Variants in TNC observed in about 807,000 individuals in gnomAD.
TNC encodes the protein tenascin.
TNC carries 109 observed loss-of-function variants against 202.4 expected under a neutral mutation model. That is an observed-to-expected ratio of 0.54 (90% confidence interval 0.46 to 0.63). The LOEUF is 0.63. Ranked by LOEUF, TNC falls within the 30% of genes least tolerant of loss-of-function variation. TNC has a pLI of 0.00. For synonymous variants in TNC, 1,007 were observed against 1,089.7 expected (o/e 0.92, Z 1.50); for missense variants, 2,756 against 2,833.3 (o/e 0.97, Z 0.62).
chr9:115,079,880 A>G (rs2133259823), intron 6 of TNC, among the ~76,000 whole-genome samples: 1 of 152,368 alleles, frequency 6.6e-6, no homozygotes, highest in South Asian at 2.1e-4. Flanking sequence ...GATGCCAGAC[A>G]GAAGGAGCCA....
At chr9:115,116,674 T>G (rs1837493072) in intron 1 of TNC, among the ~76,000 whole-genome samples, 1 of 152,212 alleles carries the variant, frequency 6.6e-6, no homozygotes, top group Admixed American at 6.5e-5. Flanking sequence ...GCATCGTACT[T>G]CATAGCTGTC....
chr9:115,040,832 G>T, intron 19 of TNC, 109 bp downstream of exon 19: 1 of 1,376,714 alleles, frequency 7.3e-7, no homozygotes. Flanking sequence ...TTTTTTTCCA[G>T]CTGCTGAGTC....
chr9:115,024,730 ATAGT>A (rs1448076257), intron 26 of TNC, among the ~76,000 whole-genome samples: 9 of 152,206 alleles, frequency 5.9e-5, no homozygotes, highest in African/African-American at 1.9e-4. Context: ...TCTGTATCAC[ATAGT>A]TACTTTTTAA....
In TNC at chr9:115,073,751, G is replaced by C. The variant is rs909250390; in HGVS notation, c.3066C>G (p.Pro1022=). Residue 1022 remains proline (P), a synonymous_variant, in exon 10 of 28, where the codon CCC becomes CCG. Transcript: ENST00000350763. The part of the protein sequence containing the change: ...FDRYRLNYSL[P]TGQWVGVQLP... The stretch of plus-strand genomic sequence containing the variant: ...GCTGCACTCCCACCCACTGGCCTGT[G>C]GGGAGACTGTAATTGAGGCGGTAGC... 2 of 1,614,162 alleles carry C rather than the reference G, an allele frequency of 1.2e-6. No homozygotes were observed. The highest frequency in any genetic ancestry group is 2.2e-5 in the South Asian group (2 of 91,074).
intron 1 of TNC, among the ~76,000 whole-genome samples, chr9:115,116,314 G>C (rs1428619014): frequency 1.3e-5 from 2 of 152,196 alleles, no homozygotes; most frequent in African/African-American, 4.8e-5. Context: ...GAGCAAACCA[G>C]AGAATACTCA....
At position 115,065,561 on chromosome 9, in the gene TNC, T is replaced by C. The variant is rs183227284; in HGVS notation, c.3215-642A>G. On this transcript the variant is annotated intron_variant, in intron 10 of 27. Coordinates refer to ENST00000350763, the MANE Select transcript of TNC (RefSeq NM_002160.4). ...TCATTTTGGAACATGTCTTGCATCA[T>C]AATGGGGTGGCCCTCAGTTATTCTG... Among the ~76,000 whole-genome samples the C allele has an allele frequency of 7.9e-5, 12 of 152,306 alleles. No individual in the cohort carries two copies. The East Asian group carries it at 2.3e-3, about 29-fold the overall frequency.
intron 1 of TNC, among the ~76,000 whole-genome samples, chr9:115,094,815 CTCTGTGTG>C (rs1436153127): frequency 0.059 from 7,355 of 125,116 alleles, 404 homozygotes; most frequent in African/African-American, 0.091. Flanking sequence ...GAACAAGTGC[CTCTGTGTG>C]TGTGTGTGTG....
Position 115,077,843 on chromosome 9 carries a change from G to A in TNC, c.2674+100C>T, listed in dbSNP as rs568060135. ...AGTAGAAATACCCCTTTCATTTTTCGTACTGTAAAATGAGCCTGGAAGATA... is the reference window on the plus strand; with the variant it reads ...AGTAGAAATACCCCTTTCATTTTTCATACTGTAAAATGAGCCTGGAAGATA... On this transcript the variant is annotated intron_variant, in intron 7 of 27. Coordinates refer to ENST00000350763, the MANE Select transcript of TNC (RefSeq NM_002160.4). The A allele has an allele frequency of 1.2e-4, 143 of 1,240,514 alleles. 2 individuals carry two copies. The highest frequency in any genetic ancestry group is 3.6e-4 in the East Asian group (15 of 41,688). 76.8% of individuals were successfully genotyped at this position (1,240,514 alleles called of 1,614,324 possible).
intron 1 of TNC, among the ~76,000 whole-genome samples, chr9:115,107,551 T>C (rs1190574885): frequency 6.6e-6 from 1 of 152,258 alleles, no homozygotes; most frequent in Non-Finnish European, 1.5e-5. Context: ...ATTTATCTTG[T>C]CATTTGTCAT....
chr9:115,090,528 A>G, intron 2 of TNC, 34 bp downstream of exon 2: 1 of 1,486,896 alleles, frequency 6.7e-7, no homozygotes, highest in Non-Finnish European at 9.1e-7. Context: ...CCATGTTTGC[A>G]CAGTGTGGGA....
intron 1 of TNC, among the ~76,000 whole-genome samples, chr9:115,099,503 T>C (rs1433159769): frequency 6.6e-6 from 1 of 152,230 alleles, no homozygotes; most frequent in Non-Finnish European, 1.5e-5. Context: ...ACCACTCTTT[T>C]AGGTCAGAAA....
Position 115,026,667 on chromosome 9 carries a change from G to A in TNC, c.6198C>T (p.Ala2066=), listed in dbSNP as rs780217371. Residue 2066 remains alanine, a synonymous_variant, in exon 26 of 28, where the codon GCC becomes GCT. Transcript: ENST00000350763. ...CCACCCGGAGCTCGTACTGCCCCTG[G>A]GCTGTGATTTTGTTCAGGTTGTCCA... ...LGLDNLNKIT[A]QGQYELRVDL... The A allele has an allele frequency of 8.9e-5, 144 of 1,613,784 alleles. 2 individuals carry two copies. In the South Asian group the frequency reaches 1.5e-3, roughly 17 times the overall value.
Position 115,036,141 on chromosome 9 carries a change from T to C in TNC, c.5613A>G (p.Lys1871=), listed in dbSNP as rs144325005. The part of the protein sequence containing the change: ...TEYTLRIFAE[K]GPQKSSTITA... ...TGATGGTTGAGCTCTTCTGGGGCCC[T>C]TTCTCTGCAAAGATTCTCAGTGTGT... The change falls in exon 21 of 28, where the codon AAA becomes AAG. Residue 1871 remains lysine, a synonymous_variant. Coordinates refer to ENST00000350763, the MANE Select transcript of TNC (RefSeq NM_002160.4). 48 of 1,614,082 alleles carry C rather than the reference T, an allele frequency of 3.0e-5. No homozygotes were observed. In the African/African-American group the frequency reaches 4.9e-4, roughly 17 times the overall value.
intron 15 of TNC, among the ~76,000 whole-genome samples, chr9:115,051,114 T>C (rs574806804): frequency 3.9e-5 from 6 of 152,218 alleles, no homozygotes; most frequent in Non-Finnish European, 8.8e-5. Context: ...TTCTGAGGCT[T>C]TTTGGGCTAG....
At chr9:115,024,859 C>T (rs1350002923) in intron 26 of TNC, among the ~76,000 whole-genome samples, 1 of 152,158 alleles carries the variant, frequency 6.6e-6, no homozygotes, top group Non-Finnish European at 1.5e-5. Context: ...CATTTCAGTA[C>T]CATTGCTTTG....
intron 13 of TNC, among the ~76,000 whole-genome samples, chr9:115,061,598 A>G (rs1832550849): frequency 6.6e-6 from 1 of 152,186 alleles, no homozygotes; most frequent in South Asian, 2.1e-4. Context: ...AATTTTATGT[A>G]GTTTCTAGCA....
At chr9:115,070,341 G>A (rs1464976241) in intron 10 of TNC, among the ~76,000 whole-genome samples, 1 of 152,134 alleles carries the variant, frequency 6.6e-6, no homozygotes, top group African/African-American at 2.4e-5. Context: ...TCCAGGGAGT[G>A]GGAGCAGCAC....
chr9:115,033,072 C>T (rs150928329), intron 22 of TNC, among the ~76,000 whole-genome samples: 34 of 152,262 alleles, frequency 2.2e-4, no homozygotes, highest in Non-Finnish European at 4.1e-4. Context: ...TGGGAAGGTA[C>T]CTTATCCTGT....
In TNC at chr9:115,086,888, C is replaced by T; in HGVS notation, c.843G>A (p.Lys281=). Residue 281 remains lysine (K), a synonymous_variant, in exon 3 of 28, where the codon AAG becomes AAA. Transcript: ENST00000350763. ...HDGFAGDDCN[K]PLCLNNCYNR... The stretch of plus-strand genomic sequence containing the variant: ...TGTAGCAATTGTTGAGACACAGAGG[C>T]TTGTTGCAGTCATCGCCTGCAAAGC... The T allele has an allele frequency of 6.2e-7, 1 of 1,614,208 alleles. No homozygotes were observed. Among genetic ancestry groups the T allele is most frequent in the Non-Finnish European group, 8.5e-7 (1 of 1,180,050 alleles).
Sources: gnomAD v4.1 joint callset for allele counts (sites outside exome capture counted in the v4.1 genomes callset) on GRCh38, gnomAD v4.1.1 for gene constraint, MANE v1.5 for transcripts, NCBI Gene and HGNC (gene_info 2026-07-23, HGNC 2026-07-21) for gene names.